Variants in CHODL observed in about 807,000 individuals in gnomAD.
The protein encoded by CHODL is chondrolectin.
Under a neutral mutation model 34.5 loss-of-function variants are expected in CHODL, and 29 were observed. That is an observed-to-expected ratio of 0.84 (90% CI 0.63 to 1.15). The LOEUF is 1.15. Among genes scored for constraint, CHODL ranks in the 50% most tolerant of loss-of-function variants. CHODL has a pLI of 0.00. For synonymous variants in CHODL, 125 were observed against 116.1 expected (o/e 1.08, Z -0.49); for missense variants, 332 against 332.5 (o/e 1.00, Z 0.01).
At chr21:18,163,133 A>C (rs1212658002) in intron 2 of CHODL, among the ~76,000 whole-genome samples, 1 of 152,186 alleles carries the variant, frequency 6.6e-6, no homozygotes, top group Non-Finnish European at 1.5e-5. Context: ...TACTATAAAA[A>C]TTTTTGTACA....
chr21:18,245,431 A>G, intron 1 of CHODL, 129 bp downstream of exon 1: 1 of 680,136 alleles, frequency 1.5e-6, no homozygotes, highest in Non-Finnish European at 2.4e-6. Flanking sequence ...ACCCGGGAGG[A>G]GGCGGGGAGA....
chr21:18,251,060 A>C (rs1320677307), intron 1 of CHODL, among the ~76,000 whole-genome samples: 2 of 151,652 alleles, frequency 1.3e-5, no homozygotes, highest in East Asian at 3.9e-4. Context: ...AATATAAGCA[A>C]AAAGAAAACC....
intron 2 of CHODL, among the ~76,000 whole-genome samples, chr21:18,135,239 G>A (rs879631336): frequency 8.6e-5 from 13 of 152,008 alleles, no homozygotes; most frequent in Non-Finnish European, 2.9e-5. Context: ...CAGTTTACAG[G>A]TTGCCCTTTG....
chr21:17,927,178 A>ATATATG lies in CHODL; in HGVS notation c.-145+9783_-145+9784insGTATAT, dbSNP rs2063235474. Among the ~76,000 whole-genome samples, 2 of 143,698 alleles carry ATATATG rather than the reference A, an allele frequency of 1.4e-5. 1 individual carries two copies. Among genetic ancestry groups the ATATATG allele is most frequent in the African/African-American group, 5.5e-5 (2 of 36,496 alleles). 94.3% of individuals were successfully genotyped at this position (143,698 alleles called of 152,430 possible). A position where few individuals can be genotyped will look rare whatever the true frequency, so the allele number is the denominator to read the frequency against. On this transcript the variant is annotated intron_variant, in intron 1 of 6. Coordinates refer to the CHODL transcript ENST00000400127. ...TATATATGTATATATGTATATATGT[A>ATATATG]TATATATGTATATGTATGTATGTGT... is the stretch of plus-strand genomic sequence containing the variant.
intron 2 of CHODL, among the ~76,000 whole-genome samples, chr21:18,122,111 G>T (rs560846547): frequency 6.6e-6 from 1 of 152,028 alleles, no homozygotes; most frequent in Non-Finnish European, 1.5e-5. Context: ...TATTCATGAA[G>T]AATTTAGTTT....
intron 5 of CHODL, among the ~76,000 whole-genome samples, chr21:18,263,918 C>A (rs1289411010): frequency 7.4e-6 from 1 of 135,794 alleles, no homozygotes. Flanking sequence ...TTTTTTTTTA[C>A]CATTTAGACC....
intron 1 of CHODL, among the ~76,000 whole-genome samples, chr21:17,979,226 C>G (rs911875285): frequency 6.6e-6 from 1 of 152,144 alleles, no homozygotes; most frequent in African/African-American, 2.4e-5. Context: ...CTACCACAGA[C>G]AGAAAAGAAG....
chr21:17,965,993 C>G (rs925953605), intron 1 of CHODL, among the ~76,000 whole-genome samples: 4 of 149,644 alleles, frequency 2.7e-5, no homozygotes, highest in Non-Finnish European at 5.9e-5. Context: ...ATACAACATG[C>G]AAATTCCTAT....
intron 1 of CHODL, among the ~76,000 whole-genome samples, chr21:18,000,067 A>G (rs1423624144): frequency 6.6e-6 from 1 of 152,212 alleles, no homozygotes; most frequent in African/African-American, 2.4e-5. Flanking sequence ...AACTTCTTAA[A>G]CACTTAAAGC....
chr21:18,259,231 A>C (rs1354375667), intron 3 of CHODL, among the ~76,000 whole-genome samples: 1 of 152,222 alleles, frequency 6.6e-6, no homozygotes, highest in Non-Finnish European at 1.5e-5. Flanking sequence ...ACAAATGGAA[A>C]CAAATTTACA....
intron 1 of CHODL, among the ~76,000 whole-genome samples, chr21:18,255,338 G>A (rs1005202212): frequency 6.6e-6 from 1 of 151,986 alleles, no homozygotes; most frequent in Non-Finnish European, 1.5e-5. Context: ...GTTAGGGAAG[G>A]TTTAAAAAAT....
chr21:18,185,046 T>C (rs951040933), intron 2 of CHODL, among the ~76,000 whole-genome samples: 15 of 152,178 alleles, frequency 9.9e-5, no homozygotes, highest in African/African-American at 3.1e-4. Flanking sequence ...TTTTATACTT[T>C]AGGTTCTGGG....
chr21:18,254,674 C>T (rs891502040), intron 1 of CHODL, among the ~76,000 whole-genome samples: 1 of 152,026 alleles, frequency 6.6e-6, no homozygotes, highest in Non-Finnish European at 1.5e-5. Context: ...TCCTATACAC[C>T]GTAATATCCT....
chr21:17,978,969 G>A (rs1224981800), intron 1 of CHODL, among the ~76,000 whole-genome samples: 3 of 152,102 alleles, frequency 2.0e-5, no homozygotes, highest in Non-Finnish European at 2.9e-5. Flanking sequence ...GCAGCAGCAA[G>A]GGTGCATTGA....
intron 2 of CHODL, among the ~76,000 whole-genome samples, chr21:18,190,161 A>T (rs533998802): frequency 8.5e-5 from 13 of 152,228 alleles, no homozygotes; most frequent in African/African-American, 2.9e-4. Context: ...TAACTTCTGT[A>T]TTTTATGTGT....
intron 5 of CHODL, among the ~76,000 whole-genome samples, chr21:18,264,337 T>G (rs2074420372): frequency 6.6e-6 from 1 of 151,892 alleles, no homozygotes; most frequent in African/African-American, 2.4e-5. Flanking sequence ...CCCAAAGAAA[T>G]CTACTTTTGA....
upstream of CHODL, among the ~76,000 whole-genome samples, chr21:18,241,053 G>T (rs1313000669): frequency 6.6e-6 from 1 of 152,124 alleles, no homozygotes; most frequent in African/African-American, 2.4e-5. Context: ...AATGAGGTAG[G>T]TCATGTATTC....
intron 2 of CHODL, among the ~76,000 whole-genome samples, chr21:18,049,869 C>T (rs1383737179): frequency 1.3e-5 from 2 of 152,002 alleles, no homozygotes; most frequent in Non-Finnish European, 1.5e-5. Context: ...TTTTGGGAAA[C>T]GTAATTCAGC....
chr21:18,006,161 G>A (rs1422388317), intron 1 of CHODL, among the ~76,000 whole-genome samples: 3 of 152,008 alleles, frequency 2.0e-5, no homozygotes, highest in Non-Finnish European at 2.9e-5. Flanking sequence ...CCCCAGCCAC[G>A]TTGAACTGTG....
Sources: gnomAD v4.1 joint callset for allele counts (sites outside exome capture counted in the v4.1 genomes callset) on GRCh38, gnomAD v4.1.1 for gene constraint, MANE v1.5 for transcripts, NCBI Gene and HGNC (gene_info 2026-07-23, HGNC 2026-07-21) for gene names.